Variants in ASTN2 observed in about 807,000 individuals in gnomAD.
ASTN2 encodes the protein astrotactin 2.
In ASTN2, 54 loss-of-function variants were observed where a neutral mutation model predicts 139.8. The ratio of observed to expected loss-of-function variants is 0.39; its 90% CI spans 0.31 to 0.48. The LOEUF (loss-of-function observed/expected upper bound fraction) is 0.48. ASTN2 is among the 20% of genes least tolerant of loss of function. The probability of loss-of-function intolerance (pLI) is 0.95; values close to 1 mark genes in which losing one functional copy is unlikely to be tolerated. For missense variants in ASTN2, 1,565 were observed against 1,725.1 expected, an observed-to-expected ratio of 0.91 and a Z score of 1.64; for synonymous variants, 756 against 719.5, an observed-to-expected ratio of 1.05 and a Z score of -0.81.
At chr9:117,094,671 T>C (rs1828795639) in intron 5 of ASTN2, among the ~76,000 whole-genome samples, 1 of 152,086 alleles carries the variant, frequency 6.6e-6, no homozygotes, top group South Asian at 2.1e-4. Context: ...CCATGTAATG[T>C]GTCAATGGAA....
At chr9:116,445,137 C>G (rs2118893435) in intron 20 of ASTN2, among the ~76,000 whole-genome samples, 1 of 152,180 alleles carries the variant, frequency 6.6e-6, no homozygotes, top group East Asian at 1.9e-4. Context: ...TAACACAGTA[C>G]TAGGCACACA....
intron 20 of ASTN2, among the ~76,000 whole-genome samples, chr9:116,473,272 A>G (rs1251867696): frequency 6.6e-6 from 1 of 152,192 alleles, no homozygotes; most frequent in Non-Finnish European, 1.5e-5. Flanking sequence ...TTAAGTACCT[A>G]CTAAGTGCCA....
chr9:117,319,667 C>T (rs765611404), intron 1 of ASTN2, among the ~76,000 whole-genome samples: 69 of 151,714 alleles, frequency 4.5e-4, no homozygotes, highest in Non-Finnish European at 7.9e-4. Flanking sequence ...AACTCCTGGC[C>T]TCAAGTGATC....
chr9:116,908,670 G>A (rs1834231467), intron 10 of ASTN2, among the ~76,000 whole-genome samples: 1 of 152,158 alleles, frequency 6.6e-6, no homozygotes, highest in South Asian at 2.1e-4. Context: ...AAAGAGCAGG[G>A]TGAGAATTAG....
intron 4 of ASTN2, among the ~76,000 whole-genome samples, chr9:117,129,487 T>A (rs1442139785): frequency 6.6e-6 from 1 of 152,204 alleles, no homozygotes; most frequent in African/African-American, 2.4e-5. Context: ...TCAAGATCCA[T>A]AAACAGAATT....
At chr9:116,444,491 T>C (rs991122115) in intron 20 of ASTN2, among the ~76,000 whole-genome samples, 2 of 152,140 alleles carry the variant, frequency 1.3e-5, no homozygotes, top group African/African-American at 4.8e-5. Context: ...TGTCTTACTC[T>C]AAAACCCACA....
intron 13 of ASTN2, among the ~76,000 whole-genome samples, chr9:116,798,184 T>C (rs1830751223): frequency 6.6e-6 from 1 of 152,158 alleles, no homozygotes; most frequent in African/African-American, 2.4e-5. Context: ...GGCAGGAGAA[T>C]CAGGTCAGCC....
chr9:116,572,999 ACATGTGGGTACATG>A (rs1853582363), intron 19 of ASTN2, among the ~76,000 whole-genome samples: 2 of 145,356 alleles, frequency 1.4e-5, no homozygotes, highest in East Asian at 2.1e-4. Context: ...ATGCGTGCAC[ACATGTGGGTACATG>A]CACACACACA....
At chr9:116,487,549 G>A in intron 19 of ASTN2, 49 bp from the exon 20 acceptor site, 3 of 1,571,124 alleles carry the variant, frequency 1.9e-6, no homozygotes, top group South Asian at 2.3e-5. Flanking sequence ...GCCATAGTGA[G>A]GAGACGTTTT....
chr9:117,276,348 T>G (rs1834188841), intron 2 of ASTN2, among the ~76,000 whole-genome samples: 1 of 152,202 alleles, frequency 6.6e-6, no homozygotes, highest in Admixed American at 6.5e-5. Flanking sequence ...CATACTAGGC[T>G]GTTGCAATCA....
chr9:117,300,827 C>G (rs766847653), intron 1 of ASTN2, among the ~76,000 whole-genome samples: 1 of 152,258 alleles, frequency 6.6e-6, no homozygotes, highest in Middle Eastern at 3.4e-3. Context: ...AAGAATGGTA[C>G]TCTTCAAATA....
At chr9:116,805,903 C>T (rs1831018119) in intron 12 of ASTN2, 83 bp from the exon 13 acceptor site, 1 of 1,368,848 alleles carries the variant, frequency 7.3e-7, no homozygotes. Flanking sequence ...GGCCTCCTTT[C>T]CCTGCAAAAC....
intron 19 of ASTN2, among the ~76,000 whole-genome samples, chr9:116,502,943 GA>G (rs369010789): frequency 1.7e-4 from 21 of 122,528 alleles, no homozygotes; most frequent in East Asian, 7.7e-4. Context: ...TGGAAGGAAA[GA>G]AAAAAAGGAA....
intron 10 of ASTN2, among the ~76,000 whole-genome samples, chr9:116,956,094 C>CTTTT (rs71379245): frequency 5.9e-5 from 7 of 119,132 alleles, no homozygotes; most frequent in South Asian, 2.8e-4. Flanking sequence ...TTTTTCTTTT[C>CTTTT]TTTTTTTTTT....
intron 11 of ASTN2, among the ~76,000 whole-genome samples, chr9:116,844,820 C>A (rs1832379388): frequency 6.6e-6 from 1 of 152,134 alleles, no homozygotes; most frequent in African/African-American, 2.4e-5. Context: ...TCCCCACATG[C>A]CAGCCATCTG....
intron 19 of ASTN2, chr9:116,583,102 T>G (rs1326132322): frequency 6.6e-6 from 1 of 152,140 alleles, no homozygotes; most frequent in East Asian, 1.9e-4. Context: ...CCCCACTTGA[T>G]TCAGGATCCT....
At chr9:117,217,370 A>C (rs749925663) in intron 2 of ASTN2, among the ~76,000 whole-genome samples, 1 of 152,096 alleles carries the variant, frequency 6.6e-6, no homozygotes, top group African/African-American at 2.4e-5. Context: ...CATCCCACTC[A>C]GTATATCCCG....
intron 4 of ASTN2, among the ~76,000 whole-genome samples, chr9:117,133,446 A>AT (rs1250281334): frequency 2.6e-5 from 4 of 152,200 alleles, no homozygotes; most frequent in African/African-American, 2.4e-5. Flanking sequence ...CCACAATGCC[A>AT]TATAGCCTTT....
At chr9:117,086,634 A>G (rs1458614706) in intron 5 of ASTN2, among the ~76,000 whole-genome samples, 1 of 152,036 alleles carries the variant, frequency 6.6e-6, no homozygotes, top group Non-Finnish European at 1.5e-5. Context: ...ATTTCATGAC[A>G]TCCTCTTGCT....
Sources: gnomAD v4.1 joint callset for allele counts (sites outside exome capture counted in the v4.1 genomes callset) on GRCh38, gnomAD v4.1.1 for gene constraint, MANE v1.5 for transcripts, NCBI Gene and HGNC (gene_info 2026-07-23, HGNC 2026-07-21) for gene names.